ITFG1: variants seen among roughly 807,000 people sequenced by gnomAD.
The protein encoded by ITFG1 is integrin alpha FG-GAP repeat containing 1, also known as T-cell immunomodulatory protein.
In ITFG1, 34 loss-of-function variants were observed where a neutral mutation model predicts 81.8. The ratio of observed to expected loss-of-function variants is 0.42; its 90% CI spans 0.32 to 0.55. The LOEUF is 0.55. Ranked by LOEUF, ITFG1 falls within the 20% of genes least tolerant of loss-of-function variation. The pLI, the probability that ITFG1 is intolerant of heterozygous loss-of-function variation, is 0.17. For synonymous variants in ITFG1, 285 were observed against 270.6 expected, an observed-to-expected ratio of 1.05 and a Z score of -0.52; for missense variants, 672 against 755.4, an observed-to-expected ratio of 0.89 and a Z score of 1.29.
chr16:47,159,134 A>G, intron 16 of ITFG1, 144 bp from the exon 17 acceptor site: 1 of 414,292 alleles, frequency 2.4e-6, no homozygotes, highest in Non-Finnish European at 4.3e-6. Flanking sequence ...CATTCATTAT[A>G]AATAAAACAA....
chr16:47,413,981 C>A (rs1007067855), intron 6 of ITFG1, among the ~76,000 whole-genome samples: 1 of 151,784 alleles, frequency 6.6e-6, no homozygotes, highest in East Asian at 2.0e-4. Flanking sequence ...CCCCCATGCC[C>A]GGCTAATTTT....
chr16:47,214,765 TAATC>T (rs1173170507), intron 14 of ITFG1, among the ~76,000 whole-genome samples: 1 of 152,204 alleles, frequency 6.6e-6, no homozygotes, highest in Non-Finnish European at 1.5e-5. Flanking sequence ...GTAAGAATGA[TAATC>T]TATCTGTAAG....
intron 10 of ITFG1, among the ~76,000 whole-genome samples, chr16:47,281,911 T>A (rs954216142): frequency 6.6e-6 from 1 of 152,074 alleles, no homozygotes; most frequent in African/African-American, 2.4e-5. Context: ...TTTTGTTACA[T>A]GGACATATTA....
chr16:47,436,566 GGC>G (rs1969169391), intron 5 of ITFG1, among the ~76,000 whole-genome samples: 1 of 152,080 alleles, frequency 6.6e-6, no homozygotes, highest in Non-Finnish European at 1.5e-5. Flanking sequence ...ACAGTATCCA[GGC>G]ATACAGTCTA....
chr16:47,179,345 A>G (rs1447717369), intron 14 of ITFG1, among the ~76,000 whole-genome samples: 1 of 152,262 alleles, frequency 6.6e-6, no homozygotes, highest in African/African-American at 2.4e-5. Flanking sequence ...CATCAATGAT[A>G]GATTGGATTA....
chr16:47,185,370 C>T (rs953345201), intron 14 of ITFG1, among the ~76,000 whole-genome samples: 1 of 151,544 alleles, frequency 6.6e-6, no homozygotes. Context: ...TGACTACATA[C>T]TTGGAAGTAA....
intron 14 of ITFG1, among the ~76,000 whole-genome samples, chr16:47,171,925 G>C (rs1008571432): frequency 3.3e-5 from 5 of 152,112 alleles, no homozygotes; most frequent in Non-Finnish European, 7.4e-5. Flanking sequence ...AATTTGGTTA[G>C]AGATTTTCTT....
chr16:47,274,315 G>A (rs1459082340), intron 10 of ITFG1, among the ~76,000 whole-genome samples: 1 of 152,002 alleles, frequency 6.6e-6, no homozygotes, highest in Non-Finnish European at 1.5e-5. Context: ...CTTGAGAAAA[G>A]TTTGACCATG....
intron 14 of ITFG1, among the ~76,000 whole-genome samples, chr16:47,177,292 C>T (rs536737417): frequency 7.9e-5 from 12 of 152,150 alleles, no homozygotes; most frequent in Admixed American, 2.0e-4. Flanking sequence ...AAAATCTTCC[C>T]GGCTATACAA....
intron 2 of ITFG1, 95 bp downstream of exon 2, chr16:47,459,008 C>T (rs1034776855): frequency 1.1e-5 from 9 of 791,968 alleles, no homozygotes; most frequent in Admixed American, 2.0e-5. Context: ...CATCCCAACA[C>T]TAAGGCTGAC....
At chr16:47,182,662 G>A (rs1348130212) in intron 14 of ITFG1, among the ~76,000 whole-genome samples, 1 of 152,172 alleles carries the variant, frequency 6.6e-6, no homozygotes, top group Non-Finnish European at 1.5e-5. Context: ...AATAACTATA[G>A]CAAACAGTAT....
At chr16:47,300,143 A>C (rs1967053619) in intron 10 of ITFG1, among the ~76,000 whole-genome samples, 1 of 152,152 alleles carries the variant, frequency 6.6e-6, no homozygotes, top group Non-Finnish European at 1.5e-5. Flanking sequence ...CTGCAGAAAG[A>C]GTTTCATTCA....
At chr16:47,400,680 T>C (rs533545481) in intron 6 of ITFG1, among the ~76,000 whole-genome samples, 2 of 152,062 alleles carry the variant, frequency 1.3e-5, no homozygotes, top group African/African-American at 2.4e-5. Context: ...CTGAAGGGTA[T>C]GTAAAAGTCA....
chr16:47,193,302 A>G (rs1965315713), intron 14 of ITFG1, among the ~76,000 whole-genome samples: 1 of 151,014 alleles, frequency 6.6e-6, no homozygotes. Context: ...TTTCTTATCT[A>G]TCCTTTACAT....
rs1384717368 is a variant in ITFG1, at chr16:47,154,852, A to G, written c.*867T>C. 3.3e-4 allele frequency: 51 copies of G among 152,360 alleles called. No individual in the cohort carries two copies. The highest frequency in any genetic ancestry group is 7.3e-5 in the Non-Finnish European group (5 of 68,030). The allele number at this position is 152,360 out of a possible 1,614,324, so 9.4% of individuals were successfully genotyped here. On this transcript the variant is annotated 3_prime_UTR_variant, in exon 18 of 18. Transcript: ENST00000320640. ...GAGAGTACTATAATTTTTAGTTAAT[A>G]TGAGCAAGTAAATCTTTATGTCAAT...
At chr16:47,407,918 C>T (rs141619328) in intron 6 of ITFG1, among the ~76,000 whole-genome samples, 1 of 152,048 alleles carries the variant, frequency 6.6e-6, no homozygotes, top group East Asian at 1.9e-4. Flanking sequence ...TTATTAAAGC[C>T]ATGAGATCAC....
intron 6 of ITFG1, among the ~76,000 whole-genome samples, chr16:47,419,300 AC>A (rs1968911927): frequency 6.6e-6 from 1 of 151,692 alleles, no homozygotes; most frequent in South Asian, 2.1e-4. Flanking sequence ...ACAGGGTCTC[AC>A]TCTGTCACTC....
At chr16:47,282,683 G>C (rs1422059136) in intron 10 of ITFG1, among the ~76,000 whole-genome samples, 1 of 152,124 alleles carries the variant, frequency 6.6e-6, no homozygotes, top group Admixed American at 6.6e-5. Flanking sequence ...GTTTTCCACA[G>C]AGGTTGTATT....
intron 14 of ITFG1, 187 bp downstream of exon 14, chr16:47,218,681 A>T (rs1240136791): frequency 2.8e-6 from 1 of 356,012 alleles, no homozygotes; most frequent in African/African-American, 2.1e-5. Context: ...GAAGAATTGA[A>T]AGTGAACATT....
Sources: gnomAD v4.1 joint callset for allele counts (sites outside exome capture counted in the v4.1 genomes callset) on GRCh38, gnomAD v4.1.1 for gene constraint, MANE v1.5 for transcripts, NCBI Gene and HGNC (gene_info 2026-07-23, HGNC 2026-07-21) for gene names.